Variants in NBN observed in about 807,000 individuals in gnomAD.
The protein encoded by NBN is Nijmegen breakage syndrome 1 (nibrin).
A neutral mutation model predicts 90.8 loss-of-function variants in NBN; 88 were observed. That is an observed-to-expected ratio of 0.97 (90% CI 0.82 to 1.16). The LOEUF (loss-of-function observed/expected upper bound fraction) is 1.16. Among genes scored for constraint, NBN ranks in the 50% most tolerant of loss-of-function variants. NBN has a pLI of 0.00. For missense variants in NBN, 894 were observed against 869.6 expected (o/e 1.03, Z -0.35); for synonymous variants, 328 against 295.1 (o/e 1.11, Z -1.14).
intron 6 of NBN, 84 bp downstream of exon 6, chr8:89,971,089 C>T (rs104895036): frequency 2.8e-6 from 4 of 1,427,248 alleles, no homozygotes; most frequent in South Asian, 1.2e-5. Flanking sequence ...AAATGAAATA[C>T]GTTAACAACT....
At chr8:89,971,418 T>A in intron 5 of NBN, 128 bp from the exon 6 acceptor site, 2 of 1,112,872 alleles carry the variant, frequency 1.8e-6, no homozygotes, top group Non-Finnish European at 2.4e-6. Flanking sequence ...TTTTTTTAAG[T>A]AAGAATTTTA....
chr8:89,965,472 C>T (rs1457299069), intron 7 of NBN, among the ~76,000 whole-genome samples: 3 of 151,490 alleles, frequency 2.0e-5, no homozygotes, highest in Non-Finnish European at 2.9e-5. Flanking sequence ...AAAATGTCTT[C>T]AATACTCATT....
intron 10 of NBN, among the ~76,000 whole-genome samples, chr8:89,954,810 A>G (rs1355039177): frequency 1.3e-5 from 2 of 152,124 alleles, no homozygotes; most frequent in African/African-American, 4.8e-5. Flanking sequence ...CACAAGAAAA[A>G]AGGCAGCAGT....
At chr8:89,953,823 T>C (rs1196861986) in intron 10 of NBN, 132 bp from the exon 11 acceptor site, 1 of 731,900 alleles carries the variant, frequency 1.4e-6, no homozygotes, top group Non-Finnish European at 2.2e-6. Flanking sequence ...ACAATATTAC[T>C]GGAAATCAAC....
In NBN at chr8:89,956,624, A is replaced by C. The variant is rs78236926; in HGVS notation, c.1125-1069T>G. Among the ~76,000 whole-genome samples, 17 of 152,346 alleles carry C rather than the reference A, an allele frequency of 1.1e-4. No individual in the cohort carries two copies. In the East Asian group the frequency reaches 3.1e-3, roughly 28 times the overall value. On this transcript the variant is annotated intron_variant, in intron 9 of 15. Transcript: ENST00000265433. ...ATACAAATATATGTATTTCAAACTTATCTCACCAGTTACAAATAAGTTGAA... is the reference window on the plus strand; with the variant it reads ...ATACAAATATATGTATTTCAAACTTCTCTCACCAGTTACAAATAAGTTGAA...
At position 89,958,718 on chromosome 8, in the gene NBN, G is replaced by A. The variant is rs1060504929; in HGVS notation, c.1124+7C>T. The A allele has an allele frequency of 1.2e-6, 2 of 1,612,848 alleles. No homozygotes were observed. The highest frequency in any genetic ancestry group is 1.1e-5 in the South Asian group (1 of 91,058). The stretch of plus-strand genomic sequence containing the variant: ...ATAACAATAGTACGGTAATGAAGAA[G>A]CTTTACCATGTATCTGCTTGCTCTG... On this transcript the variant is annotated splice_region_variant and intron_variant, in intron 9 of 15. Coordinates refer to ENST00000265433, the MANE Select transcript of NBN (RefSeq NM_002485.5).
intron 5 of NBN, among the ~76,000 whole-genome samples, chr8:89,976,254 G>A (rs148605346): frequency 2.8e-4 from 43 of 152,196 alleles, no homozygotes; most frequent in Non-Finnish European, 2.5e-4. Context: ...GATTACAGGC[G>A]TGAGCCACCA....
intron 14 of NBN, among the ~76,000 whole-genome samples, chr8:89,941,586 C>T (rs916439631): frequency 4.6e-5 from 7 of 152,110 alleles, no homozygotes; most frequent in African/African-American, 1.7e-4. Context: ...GTTTAACTTC[C>T]TCCTATCAAT....
chr8:89,960,396 G>T (rs1334726292), intron 8 of NBN, among the ~76,000 whole-genome samples: 1 of 151,212 alleles, frequency 6.6e-6, no homozygotes, highest in Non-Finnish European at 1.5e-5. Context: ...GCTCGCTGCT[G>T]CTCAGCACTT....
At chr8:89,957,517 T>G (rs1339927115) in intron 9 of NBN, among the ~76,000 whole-genome samples, 1 of 152,194 alleles carries the variant, frequency 6.6e-6, no homozygotes, top group African/African-American at 2.4e-5. Flanking sequence ...GTAGTCTAAA[T>G]GTAGTGCTAA....
intron 9 of NBN, among the ~76,000 whole-genome samples, 178 bp downstream of exon 9, chr8:89,958,547 C>T (rs192783402): frequency 1.2e-4 from 19 of 152,284 alleles, no homozygotes; most frequent in Admixed American, 1.2e-3. Flanking sequence ...AATAACTACT[C>T]GCCGCTCCTT....
intron 15 of NBN, 96 bp downstream of exon 15, chr8:89,936,930 T>C (rs1809712933): frequency 1.1e-6 from 1 of 941,466 alleles, no homozygotes; most frequent in South Asian, 1.3e-5. Context: ...TAGGTGTCTA[T>C]GAGGACAGAA....
intron 7 of NBN, among the ~76,000 whole-genome samples, chr8:89,967,957 C>T (rs181301846): frequency 7.0e-4 from 107 of 152,236 alleles, no homozygotes; most frequent in African/African-American, 2.6e-3. Flanking sequence ...TACTGCATTC[C>T]CTCCAAAAAA....
At position 89,935,070 on chromosome 8, in the gene NBN, A is replaced by G. The variant is rs906632922; in HGVS notation, c.*512T>C. 4 of 233,708 alleles carry G rather than the reference A, an allele frequency of 1.7e-5. No homozygotes were observed. The highest frequency in any genetic ancestry group is 8.8e-5 in the African/African-American group (4 of 45,344). The allele number at this position is 233,708 out of a possible 1,614,324, so 14.5% of individuals were successfully genotyped here. On this transcript the variant is annotated 3_prime_UTR_variant, in exon 16 of 16. Transcript: ENST00000265433. The stretch of plus-strand genomic sequence containing the variant: ...AGCATAATGGAAAAGAAAAAATATT[A>G]AAAACATTATATTGATATTCCTATA...
At position 89,982,703 on chromosome 8, in the gene NBN, A is replaced by G. The variant is rs1812125846; in HGVS notation, c.171+19T>C. The G allele has an allele frequency of 6.2e-7, 1 of 1,606,776 alleles. No individual in the cohort carries two copies. Among genetic ancestry groups the G allele is most frequent in the Non-Finnish European group, 8.5e-7 (1 of 1,173,478 alleles). On this transcript the variant is annotated intron_variant, in intron 2 of 15. Transcript: ENST00000265433. ...CAACCCCCTTACTGGAAACTAGTGA[A>G]ATAAAATTAGTAACATACCAGGTTG...
At chr8:89,979,562 T>C (rs894393468) in intron 4 of NBN, among the ~76,000 whole-genome samples, 3 of 152,120 alleles carry the variant, frequency 2.0e-5, no homozygotes, top group East Asian at 1.9e-4. Context: ...AAGTAGCTAA[T>C]AGTAAGAATA....
intron 7 of NBN, among the ~76,000 whole-genome samples, chr8:89,964,723 T>A (rs1252332356): frequency 6.6e-6 from 1 of 152,100 alleles, no homozygotes; most frequent in Non-Finnish European, 1.5e-5. Context: ...ACTTCATCTG[T>A]AAAATAAGGG....
At chr8:89,943,419 C>T (rs2130756645) in intron 13 of NBN, 53 bp from the exon 14 acceptor site, 1 of 1,550,170 alleles carries the variant, frequency 6.5e-7, no homozygotes, top group African/African-American at 1.4e-5. Flanking sequence ...CAAAAATGAC[C>T]ATTTTTTTAA....
intron 14 of NBN, among the ~76,000 whole-genome samples, chr8:89,939,568 A>G (rs1172302388): frequency 6.6e-6 from 1 of 152,224 alleles, no homozygotes; most frequent in Non-Finnish European, 1.5e-5. Context: ...AAGCCATGCC[A>G]TACGCTTAAA....
Sources: gnomAD v4.1 joint callset for allele counts (sites outside exome capture counted in the v4.1 genomes callset) on GRCh38, gnomAD v4.1.1 for gene constraint, MANE v1.5 for transcripts, NCBI Gene and HGNC (gene_info 2026-07-23, HGNC 2026-07-21) for gene names.